SCN3A: variants seen among roughly 807,000 people sequenced by gnomAD.
SCN3A encodes sodium channel protein type 3 subunit alpha.
In SCN3A, 60 loss-of-function variants were observed where a neutral mutation model predicts 187.6. That is an observed-to-expected ratio of 0.32 (90% confidence interval 0.26 to 0.40). The LOEUF is 0.40. Ranked by LOEUF, SCN3A falls within the 10% of genes least tolerant of loss-of-function variation. SCN3A has a pLI of 1.00. For synonymous variants in SCN3A, 788 were observed against 829.2 expected (o/e 0.95, Z 0.85); for missense variants, 1,601 against 2,428.2 (o/e 0.66, Z 7.16).
intron 11 of SCN3A, among the ~76,000 whole-genome samples, chr2:165,150,339 G>A (rs1378578617): frequency 2.0e-5 from 3 of 152,246 alleles, no homozygotes; most frequent in Non-Finnish European, 4.4e-5. Context: ...GGTGGTTAGG[G>A]AGACTTAAGC....
At chr2:165,200,890 G>A (rs1226923921) in intron 1 of SCN3A, among the ~76,000 whole-genome samples, 1 of 152,064 alleles carries the variant, frequency 6.6e-6, no homozygotes, top group Non-Finnish European at 1.5e-5. Flanking sequence ...CATTCATCAA[G>A]CACAATTTGC....
intron 15 of SCN3A, among the ~76,000 whole-genome samples, chr2:165,132,782 G>T (rs889656065): frequency 3.9e-5 from 6 of 152,134 alleles, no homozygotes; most frequent in Admixed American, 3.9e-4. Context: ...TTGACAAATG[G>T]GATCTAATTA....
chr2:165,161,133 C>CTTTTTTTTTTTTTTTTTTTTTTT (rs1689347056), intron 9 of SCN3A, among the ~76,000 whole-genome samples: 1 of 83,692 alleles, frequency 1.2e-5, no homozygotes, highest in African/African-American at 4.4e-5. Flanking sequence ...TTTTTTCTTT[C>CTTTTTTTTTTTTTTTTTTTTTTT]TTTCTTTTTT....
chr2:165,119,790 A>G (rs2105733188), intron 18 of SCN3A: 1 of 152,332 alleles, frequency 6.6e-6, no homozygotes, highest in Admixed American at 6.5e-5. Flanking sequence ...CAATGATATA[A>G]AAAAGCAAAG....
At chr2:165,163,933 G>C in intron 6 of SCN3A, 1 of 1,562,816 alleles carries the variant, frequency 6.4e-7, no homozygotes, top group South Asian at 1.1e-5. Flanking sequence ...TTTTGGCAAA[G>C]TTTATACTAA....
At position 165,131,400 on chromosome 2, in the gene SCN3A, G is replaced by A. The variant is rs267598955; in HGVS notation, c.2409C>T (p.Phe803=). Residue 803 remains phenylalanine, a synonymous_variant, in exon 16 of 28, where the codon TTC becomes TTT. Coordinates refer to ENST00000283254, the MANE Select transcript of SCN3A (RefSeq NM_006922.4). ...TGATCTTGAGAACCATTTCTGCTGT[G>A]AAAATCCCAGTAAAGACCTAAAAAA... is the stretch of plus-strand genomic sequence containing the variant. ...TVGNLVFTGI[F]TAEMVLKIIA... is the part of the protein sequence containing the mutation. The A allele has an allele frequency of 6.2e-7, 1 of 1,603,788 alleles. No individual in the cohort carries two copies. The highest frequency in any genetic ancestry group is 8.5e-7 in the Non-Finnish European group (1 of 1,173,936).
intron 12 of SCN3A, among the ~76,000 whole-genome samples, chr2:165,144,262 T>C (rs552084073): frequency 4.6e-5 from 7 of 152,240 alleles, no homozygotes; most frequent in Non-Finnish European, 8.8e-5. Context: ...GTTTTGTTAA[T>C]GCTCTTAGTC....
intron 21 of SCN3A, among the ~76,000 whole-genome samples, chr2:165,111,363 T>C (rs151063403): frequency 1.1e-4 from 16 of 152,116 alleles, no homozygotes; most frequent in African/African-American, 3.9e-4. Flanking sequence ...ATAATCTTCA[T>C]ACATGATAAA....
intron 22 of SCN3A, among the ~76,000 whole-genome samples, chr2:165,099,008 T>G (rs1390245379): frequency 6.6e-6 from 1 of 152,224 alleles, no homozygotes; most frequent in East Asian, 1.9e-4. Flanking sequence ...TCTAACTTTC[T>G]TTAGCATTAG....
Position 165,164,498 on chromosome 2 carries a change from T to C in SCN3A, c.496A>G (p.Thr166Ala). ...AAGATTTTTATAAGTGACTCAAAGG[T>C]ATAGATTCCAGTGAATGTGTACCTA... is the stretch of plus-strand genomic sequence containing the variant. Reference protein sequence around the residue: ...NVEYTFTGIYTFESLIKILAR... With the variant: ...NVEYTFTGIYAFESLIKILAR... The change falls in exon 6 of 28, where the codon ACC becomes GCC. Residue 166 changes from threonine to alanine, a missense_variant. Thr to Ala is a moderately conservative substitution (Grantham distance 58). Coordinates refer to ENST00000283254, the MANE Select transcript of SCN3A (RefSeq NM_006922.4). 1 of 1,613,728 alleles carries C rather than the reference T, an allele frequency of 6.2e-7. No homozygotes were observed. Among genetic ancestry groups the C allele is most frequent in the Non-Finnish European group, 8.5e-7 (1 of 1,179,778 alleles).
intron 15 of SCN3A, among the ~76,000 whole-genome samples, chr2:165,135,376 G>A (rs546616269): frequency 6.6e-6 from 1 of 152,116 alleles, no homozygotes; most frequent in South Asian, 2.1e-4. Flanking sequence ...GCAAAATGGG[G>A]CATATTGATC....
intron 5 of SCN3A, among the ~76,000 whole-genome samples, chr2:165,166,611 G>A (rs1574279088): frequency 6.6e-6 from 1 of 152,204 alleles, no homozygotes; most frequent in South Asian, 2.1e-4. Flanking sequence ...CCACATCTTT[G>A]TACAGGGACT....
chr2:165,100,415 C>G lies in SCN3A; in HGVS notation c.3853G>C (p.Val1285Leu). Residue 1285 changes from valine to leucine, a missense_variant, in exon 22 of 28, where the codon GTT becomes CTT. By Grantham distance (32) the Val-to-Leu change is conservative. Around this residue, in one of 11 missense-constraint regions of SCN3A, gnomAD observed 320 missense variants for 623.2 expected, o/e 0.51. Coordinates refer to ENST00000283254, the MANE Select transcript of SCN3A (RefSeq NM_006922.4). ...CCAAGAGCATTGGCTACCAGGCTAA[C>G]CAAAGAAACCTACAAAAGGAAAAAA... ...LDFLIVDVSL[V>L]SLVANALGYS... 2 of 1,613,626 alleles carry G rather than the reference C, an allele frequency of 1.2e-6. No homozygotes were observed. Among genetic ancestry groups the G allele is most frequent in the East Asian group, 4.5e-5 (2 of 44,820 alleles).
intron 11 of SCN3A, among the ~76,000 whole-genome samples, chr2:165,147,541 G>A (rs990923297): frequency 6.6e-6 from 1 of 152,114 alleles, no homozygotes; most frequent in African/African-American, 2.4e-5. Flanking sequence ...TGGAAGTAGG[G>A]AAATGTATTA....
intron 12 of SCN3A, 126 bp downstream of exon 12, chr2:165,146,613 T>C: frequency 1.1e-6 from 1 of 904,944 alleles, no homozygotes; most frequent in East Asian, 2.6e-5. Context: ...TAAACAACTA[T>C]ATTAAATGTT....
intron 1 of SCN3A, among the ~76,000 whole-genome samples, chr2:165,202,648 G>A (rs942478046): frequency 2.0e-5 from 3 of 151,946 alleles, no homozygotes; most frequent in African/African-American, 7.2e-5. Flanking sequence ...CATATCATTA[G>A]GAATTACAGT....
At chr2:165,149,963 C>T (rs1478614408) in intron 11 of SCN3A, among the ~76,000 whole-genome samples, 1 of 152,130 alleles carries the variant, frequency 6.6e-6, no homozygotes, top group Non-Finnish European at 1.5e-5. Context: ...TTCAAAGCTA[C>T]AAGACATTAT....
At chr2:165,126,107 A>G (rs1394740079) in intron 18 of SCN3A, among the ~76,000 whole-genome samples, 2 of 152,218 alleles carry the variant, frequency 1.3e-5, no homozygotes, top group African/African-American at 4.8e-5. Flanking sequence ...TATTTAAAAA[A>G]AAGAGTTCCA....
chr2:165,189,715 T>A (rs560486902), intron 1 of SCN3A, among the ~76,000 whole-genome samples: 1 of 152,332 alleles, frequency 6.6e-6, no homozygotes, highest in South Asian at 2.1e-4. Flanking sequence ...TTTTAGTTTA[T>A]CCTGAAAATT....
Sources: gnomAD v4.1 joint callset for allele counts (sites outside exome capture counted in the v4.1 genomes callset) on GRCh38, gnomAD v4.1.1 for gene constraint, gnomAD v4.1.1 regional missense constraint, MANE v1.5 for transcripts, NCBI Gene and HGNC (gene_info 2026-07-23, HGNC 2026-07-21) for gene names.